The following CNBD1 variants were observed in gnomAD, a reference collection of about 807,000 sequenced individuals.
The protein encoded by CNBD1 is cyclic nucleotide binding domain containing 1, also known as cyclic nucleotide-binding domain-containing protein 1.
In CNBD1, 71 loss-of-function variants were observed where a neutral mutation model predicts 54.4. The ratio of observed to expected loss-of-function variants is 1.30; its 90% confidence interval spans 1.08 to 1.59. CNBD1 has a LOEUF of 1.59. CNBD1 is among the 40% of genes most tolerant of loss of function. CNBD1 has a pLI of 0.00. For missense variants in CNBD1, 659 were observed against 518.0 expected, an observed-to-expected ratio of 1.27 and a Z score of -2.64; for synonymous variants, 182 against 170.7, an observed-to-expected ratio of 1.07 and a Z score of -0.51.
chr8:87,291,648 T>G (rs1426947798), intron 8 of CNBD1, among the ~76,000 whole-genome samples: 1 of 152,080 alleles, frequency 6.6e-6, no homozygotes, highest in African/African-American at 2.4e-5. Flanking sequence ...CGCCTTATTT[T>G]TTGGGGTGAG....
chr8:87,332,270 C>T (rs777362265), intron 8 of CNBD1, among the ~76,000 whole-genome samples: 18 of 151,412 alleles, frequency 1.2e-4, no homozygotes, highest in African/African-American at 2.2e-4. Context: ...ATCGCTTGAA[C>T]GCAGGAGGCG....
intron 5 of CNBD1, among the ~76,000 whole-genome samples, chr8:87,223,271 AG>A (rs1814386717): frequency 1.3e-5 from 2 of 149,380 alleles, no homozygotes; most frequent in Admixed American, 6.7e-5. Context: ...TTTAAGTTTT[AG>A]GGTACATGTG....
At chr8:86,997,561 G>A (rs1040692540) in intron 4 of CNBD1, among the ~76,000 whole-genome samples, 12 of 152,108 alleles carry the variant, frequency 7.9e-5, no homozygotes, top group Non-Finnish European at 1.6e-4. Flanking sequence ...CACCTCTGAG[G>A]CTGTTTACCT....
chr8:87,327,390 C>T (rs1171355847), intron 8 of CNBD1, among the ~76,000 whole-genome samples: 1 of 151,868 alleles, frequency 6.6e-6, no homozygotes, highest in African/African-American at 2.4e-5. Context: ...ATGGTGGGCG[C>T]CCCTCCCCCA....
intron 8 of CNBD1, among the ~76,000 whole-genome samples, chr8:87,323,090 G>T (rs1481761170): frequency 1.8e-5 from 2 of 111,026 alleles, no homozygotes; most frequent in Non-Finnish European, 3.9e-5. Context: ...GTTTTTCTCA[G>T]GTTTGTCAAA....
At chr8:87,241,471 A>G (rs1350635304) in intron 6 of CNBD1, among the ~76,000 whole-genome samples, 5 of 151,740 alleles carry the variant, frequency 3.3e-5, no homozygotes, top group Admixed American at 6.6e-5. Context: ...ACGGGGTTTC[A>G]CCGTGTTAGC....
chr8:87,181,710 T>A (rs1320573007), intron 4 of CNBD1, among the ~76,000 whole-genome samples: 1 of 152,198 alleles, frequency 6.6e-6, no homozygotes, highest in African/African-American at 2.4e-5. Context: ...TTTCCTTGAT[T>A]TCTACTCTGA....
At chr8:87,168,609 C>A (rs1433625913) in intron 4 of CNBD1, among the ~76,000 whole-genome samples, 3 of 151,684 alleles carry the variant, frequency 2.0e-5, no homozygotes, top group Admixed American at 1.3e-4. Context: ...CTTTGGTAAC[C>A]ATCCTTCTAT....
chr8:87,148,875 A>G (rs1056997562), intron 4 of CNBD1, among the ~76,000 whole-genome samples: 3 of 152,230 alleles, frequency 2.0e-5, no homozygotes, highest in African/African-American at 7.2e-5. Context: ...TACTACTCAT[A>G]GGGGATTAGT....
chr8:87,060,179 C>T (rs1810512680), intron 4 of CNBD1, among the ~76,000 whole-genome samples: 1 of 152,200 alleles, frequency 6.6e-6, no homozygotes, highest in Non-Finnish European at 1.5e-5. Context: ...GCCCAACTGA[C>T]ACCTTGATGT....
chr8:87,397,319 C>A (rs1225906037), intron 2 of CNBD1, among the ~76,000 whole-genome samples: 2 of 151,914 alleles, frequency 1.3e-5, no homozygotes, highest in African/African-American at 4.8e-5. Flanking sequence ...TACCTACTTT[C>A]CTAGTTAGTG....
intron 4 of CNBD1, among the ~76,000 whole-genome samples, chr8:87,199,383 A>G (rs1028489933): frequency 3.9e-5 from 6 of 152,334 alleles, no homozygotes; most frequent in East Asian, 3.9e-4. Context: ...TACATCAGTT[A>G]AGATTATCTA....
intron 6 of CNBD1, among the ~76,000 whole-genome samples, chr8:87,238,993 C>A (rs1807635896): frequency 6.6e-6 from 1 of 152,064 alleles, no homozygotes; most frequent in African/African-American, 2.4e-5. Context: ...TCTACTAGTA[C>A]CTAATGCCTG....
chr8:87,006,876 T>C lies in CNBD1; in HGVS notation c.431+67122T>C, dbSNP rs191888485. Among the ~76,000 whole-genome samples, 17 of 152,358 alleles carry C rather than the reference T, an allele frequency of 1.1e-4. No homozygotes were observed. The East Asian group carries it at 3.1e-3, about 28-fold the overall frequency. On this transcript the variant is annotated intron_variant, in intron 4 of 10. Coordinates refer to ENST00000518476, the MANE Select transcript of CNBD1 (RefSeq NM_173538.3). Reference sequence around the variant, plus strand: ...TTTAAACATTATGACTTTCTTATGTTAGTACGTAATTGAACATTGTACAAT... The same window carrying C: ...TTTAAACATTATGACTTTCTTATGTCAGTACGTAATTGAACATTGTACAAT...
chr8:86,913,038 G>A (rs1809128961), intron 3 of CNBD1, among the ~76,000 whole-genome samples: 1 of 152,178 alleles, frequency 6.6e-6, no homozygotes, highest in Admixed American at 6.5e-5. Flanking sequence ...TGTACAATGT[G>A]TGTTTTAAGC....
At chr8:87,207,684 TA>T (rs1219371906) in intron 5 of CNBD1, among the ~76,000 whole-genome samples, 9 of 152,210 alleles carry the variant, frequency 5.9e-5, no homozygotes, top group Non-Finnish European at 8.8e-5. Flanking sequence ...ATTATACATT[TA>T]TTTTTTTCAA....
intron 2 of CNBD1, among the ~76,000 whole-genome samples, chr8:87,420,092 A>C (rs1035478923): frequency 6.6e-6 from 1 of 151,802 alleles, no homozygotes; most frequent in East Asian, 1.9e-4. Context: ...CAAAGTGTTA[A>C]TATACCTTAC....
intron 4 of CNBD1, among the ~76,000 whole-genome samples, chr8:87,195,962 G>A (rs542552655): frequency 1.3e-5 from 2 of 151,986 alleles, no homozygotes; most frequent in East Asian, 1.9e-4. Context: ...TTTTTGGCAC[G>A]CATCCTACCC....
chr8:87,157,148 G>C (rs1440760187), intron 4 of CNBD1, among the ~76,000 whole-genome samples: 1 of 152,126 alleles, frequency 6.6e-6, no homozygotes, highest in Non-Finnish European at 1.5e-5. Context: ...CAAAAAACAA[G>C]ATAATATTGT....
Sources: allele counts gnomAD v4.1 joint callset (sites outside exome capture counted in the v4.1 genomes callset), GRCh38; gene constraint gnomAD v4.1.1; transcripts MANE v1.5; gene names NCBI Gene and HGNC (gene_info 2026-07-23, HGNC 2026-07-21).